CD8B: variants seen among roughly 807,000 people sequenced by gnomAD.
CD8B encodes T-cell surface glycoprotein CD8 beta chain.
CD8B carries 6 observed loss-of-function variants against 24.2 expected under a neutral mutation model. That is an observed-to-expected ratio of 0.25 (90% CI 0.14 to 0.49). The LOEUF (loss-of-function observed/expected upper bound fraction) is 0.49, where lower values mean the gene tolerates loss of function less well. Ranked by LOEUF, CD8B falls within the 20% of genes least tolerant of loss-of-function variation. The probability of loss-of-function intolerance (pLI) is 0.98; values close to 1 mark genes in which losing one functional copy is unlikely to be tolerated. For synonymous variants in CD8B, 84 were observed against 108.3 expected (o/e 0.78, Z 1.39); for missense variants, 196 against 271.3 (o/e 0.72, Z 1.95).
intron 2 of CD8B, among the ~76,000 whole-genome samples, chr2:86,853,361 G>T (rs1282282239): frequency 6.6e-6 from 1 of 152,040 alleles, no homozygotes; most frequent in Non-Finnish European, 1.5e-5. Flanking sequence ...AGGATCACCT[G>T]AGCTTGGGAA....
At chr2:86,835,433 T>C (rs959427003), downstream of CD8B, among the ~76,000 whole-genome samples, 30 of 152,304 alleles carry the variant, frequency 2.0e-4, no homozygotes, top group African/African-American at 6.7e-4. Flanking sequence ...GCCTTCGTGA[T>C]CCGAAGGCAG....
chr2:86,857,683 G>T (rs1322944637), intron 2 of CD8B, among the ~76,000 whole-genome samples: 1 of 152,012 alleles, frequency 6.6e-6, no homozygotes, highest in Non-Finnish European at 1.5e-5. Flanking sequence ...TCGCACCACT[G>T]CACCCCAGCC....
chr2:86,847,940 T>C (rs1480990943), intron 3 of CD8B, among the ~76,000 whole-genome samples: 3 of 152,258 alleles, frequency 2.0e-5, no homozygotes, highest in Admixed American at 6.5e-5. Context: ...CCTTTATTTT[T>C]TCAACGTGCC....
At chr2:86,853,619 C>T (rs1676084408) in intron 2 of CD8B, among the ~76,000 whole-genome samples, 1 of 152,154 alleles carries the variant, frequency 6.6e-6, no homozygotes, top group Non-Finnish European at 1.5e-5. Context: ...TGGGGTTCAG[C>T]TTGGTGTCCT....
At chr2:86,853,184 T>C (rs1349705275) in intron 2 of CD8B, 98 bp from the exon 3 acceptor site, 1 of 1,538,948 alleles carries the variant, frequency 6.5e-7, no homozygotes, top group African/African-American at 1.4e-5. Flanking sequence ...GGCTCATGCC[T>C]GGAATCCCAA....
chr2:86,824,510 G>A lies in CD8B; in HGVS notation c.621-8792C>T, dbSNP rs550648751. Reference sequence around the variant, plus strand: ...CTAAGGGAATGAAGAGTAAATCTGTGATTGAATGAATGAGCAGATGAAAAG... The same window carrying A: ...CTAAGGGAATGAAGAGTAAATCTGTAATTGAATGAATGAGCAGATGAAAAG... On this transcript the variant is annotated intron_variant, in intron 5 of 5. Transcript: ENST00000331469. 6.6e-5 allele frequency among the ~76,000 whole-genome samples: 10 copies of A among 152,326 alleles called. No homozygotes were observed. The East Asian group carries it at 1.9e-3, about 29-fold the overall frequency.
chr2:86,826,436 A>G (rs1674690418), intron 5 of CD8B, among the ~76,000 whole-genome samples: 1 of 152,144 alleles, frequency 6.6e-6, no homozygotes, highest in South Asian at 2.1e-4. Flanking sequence ...GGAACCACCA[A>G]TCGATTCTGA....
intron 5 of CD8B, among the ~76,000 whole-genome samples, chr2:86,816,312 G>A (rs1380366448): frequency 2.0e-5 from 3 of 152,214 alleles, no homozygotes; most frequent in South Asian, 2.1e-4. Flanking sequence ...CTTCTCCTCC[G>A]GGGTACTTTA....
chr2:86,835,847 G>A (rs1675155895), downstream of CD8B, among the ~76,000 whole-genome samples: 1 of 151,216 alleles, frequency 6.6e-6, no homozygotes, highest in South Asian at 2.1e-4. Context: ...TGGTCTGTCC[G>A]GGGCTGGCAT....
downstream of CD8B, among the ~76,000 whole-genome samples, chr2:86,833,527 C>T (rs1390198085): frequency 4.0e-5 from 5 of 125,724 alleles, no homozygotes; most frequent in East Asian, 2.5e-4. Flanking sequence ...CCCTCCCCTC[C>T]GCTCTCCTCC....
intron 1 of CD8B, among the ~76,000 whole-genome samples, chr2:86,861,039 T>G (rs1456162086): frequency 1.3e-5 from 2 of 152,200 alleles, no homozygotes; most frequent in East Asian, 3.9e-4. Flanking sequence ...CCTGGGCTGT[T>G]TCTATTTATG....
intron 5 of CD8B, among the ~76,000 whole-genome samples, chr2:86,816,177 A>T (rs982739282): frequency 6.6e-6 from 1 of 152,182 alleles, no homozygotes; most frequent in Admixed American, 6.5e-5. Context: ...GCTGCAGGAG[A>T]CTTCAGAGAG....
At chr2:86,825,132 G>A (rs1674625697) in intron 5 of CD8B, among the ~76,000 whole-genome samples, 1 of 152,184 alleles carries the variant, frequency 6.6e-6, no homozygotes, top group Non-Finnish European at 1.5e-5. Context: ...AGGGGTGATG[G>A]GTGCATCTGC....
intron 1 of CD8B, among the ~76,000 whole-genome samples, chr2:86,861,391 A>C (rs1676582143): frequency 6.6e-6 from 1 of 151,970 alleles, no homozygotes; most frequent in Non-Finnish European, 1.5e-5. Context: ...GTCTGATTGT[A>C]CTACAAACAC....
chr2:86,818,780 C>T (rs953015202), intron 5 of CD8B, among the ~76,000 whole-genome samples: 7 of 152,180 alleles, frequency 4.6e-5, no homozygotes, highest in Admixed American at 3.9e-4. Context: ...GCATCTCTCA[C>T]TTTAAATCAA....
At chr2:86,834,467 T>TGCACACACAC (rs1675084733), downstream of CD8B, among the ~76,000 whole-genome samples, 2 of 146,688 alleles carry the variant, frequency 1.4e-5, no homozygotes, top group Non-Finnish European at 3.0e-5. Context: ...TTTCTTCTCT[T>TGCACACACAC]ACACACACAC....
chr2:86,847,731 A>G (rs1675756476), intron 3 of CD8B, among the ~76,000 whole-genome samples: 1 of 152,114 alleles, frequency 6.6e-6, no homozygotes, highest in African/African-American at 2.4e-5. Context: ...ATGCCTGGCT[A>G]ATTTTTGTAT....
intron 3 of CD8B, among the ~76,000 whole-genome samples, chr2:86,851,427 C>T (rs1460870497): frequency 6.6e-6 from 1 of 152,108 alleles, no homozygotes; most frequent in Non-Finnish European, 1.5e-5. Flanking sequence ...CTTTTATATC[C>T]TTTTTATGGT....
intron 2 of CD8B, among the ~76,000 whole-genome samples, chr2:86,855,203 T>C (rs1676176451): frequency 6.6e-6 from 1 of 152,150 alleles, no homozygotes; most frequent in Non-Finnish European, 1.5e-5. Flanking sequence ...GCATCTTCTA[T>C]ATAAAAGTAG....
Sources: allele counts gnomAD v4.1 joint callset (sites outside exome capture counted in the v4.1 genomes callset), GRCh38; gene constraint gnomAD v4.1.1; transcripts MANE v1.5; gene names NCBI Gene and HGNC (gene_info 2026-07-23, HGNC 2026-07-21).